The following TMEM74B variants were observed in gnomAD, a reference collection of about 807,000 sequenced individuals.
The protein encoded by TMEM74B is transmembrane protein 74B, also known as transmembrane protein C20orf46.
TMEM74B carries 7 observed loss-of-function variants against 6.5 expected under a neutral mutation model. That is an observed-to-expected ratio of 1.07 (90% confidence interval 0.61 to 2.01). The LOEUF (loss-of-function observed/expected upper bound fraction) is 2.01. TMEM74B is among the 30% of genes most tolerant of loss of function. The probability of loss-of-function intolerance (pLI) is 0.00; values close to 1 mark genes in which losing one functional copy is unlikely to be tolerated. For missense variants in TMEM74B, 342 were observed against 337.0 expected (o/e 1.01, Z -0.12); for synonymous variants, 151 against 151.6 (o/e 1.00, Z 0.03).
In TMEM74B at chr20:1,180,840, G is replaced by GCTA; in HGVS notation, c.*5_*7dup. On this transcript the variant is annotated 3_prime_UTR_variant, in exon 3 of 3. Transcript: ENST00000429036. The surrounding 1 kb of genome is among the most constrained non-coding windows in gnomAD (Gnocchi z 6.1). Reference sequence around the variant, plus strand: ...GAGCTAAAGCAGCCAGATAAGGTGGGCTAGTTCTTAAGACCTCTGGAGGGT... The same window carrying GCTA: ...GAGCTAAAGCAGCCAGATAAGGTGGGCTACTAGTTCTTAAGACCTCTGGAGGGT... The GCTA allele has an allele frequency of 6.4e-7, 1 of 1,559,302 alleles. No individual in the cohort carries two copies. Among genetic ancestry groups the GCTA allele is most frequent in the African/African-American group, 1.4e-5 (1 of 73,400 alleles).
intron 2 of TMEM74B, among the ~76,000 whole-genome samples, chr20:1,182,905 A>G (rs2086909794): frequency 6.6e-6 from 1 of 152,232 alleles, no homozygotes; most frequent in Non-Finnish European, 1.5e-5. Flanking sequence ...TACATTTTAA[A>G]TGTTGGATTC....
chr20:1,183,710 T>C (rs1468327140), intron 2 of TMEM74B, 61 bp downstream of exon 2: 2 of 1,593,866 alleles, frequency 1.3e-6, no homozygotes, highest in Non-Finnish European at 1.7e-6. Context: ...ATGGCATGTA[T>C]GGGAGGGTGG....
chr20:1,188,147 A>G (rs1012946252), upstream of TMEM74B, among the ~76,000 whole-genome samples: 56 of 146,402 alleles, frequency 3.8e-4, no homozygotes, highest in South Asian at 2.2e-4. Flanking sequence ...AGTTATATAT[A>G]TATATAATAC....
chr20:1,185,837 C>T (rs1269054312), upstream of TMEM74B, among the ~76,000 whole-genome samples: 1 of 150,292 alleles, frequency 6.7e-6, no homozygotes, highest in African/African-American at 2.4e-5. Context: ...CCACCCCGCA[C>T]GCAGCCCCCA....
At chr20:1,183,541 C>A (rs1031158799) in intron 2 of TMEM74B, among the ~76,000 whole-genome samples, 5 of 152,272 alleles carry the variant, frequency 3.3e-5, no homozygotes, top group African/African-American at 9.6e-5. Context: ...ATCACTACGT[C>A]TCTCTTTCCA....
Position 1,184,872 on chromosome 20 carries a change from G to C in TMEM74B, c.-718C>G, listed in dbSNP as rs1273945882. Among the ~76,000 whole-genome samples, 2 of 152,220 alleles carry C rather than the reference G, an allele frequency of 1.3e-5. No homozygotes were observed. Among genetic ancestry groups the C allele is most frequent in the East Asian group, 3.9e-4 (2 of 5,178 alleles). ...GCAGGTCCACGCTGTTGTACCCAAAGTTGCGCGCAGAAAGCCCCAGCACGC... is the reference window on the plus strand; with the variant it reads ...GCAGGTCCACGCTGTTGTACCCAAACTTGCGCGCAGAAAGCCCCAGCACGC... On this transcript the variant is annotated 5_prime_UTR_variant, in exon 1 of 3. Coordinates refer to ENST00000429036, the MANE Select transcript of TMEM74B (RefSeq NM_001304748.2). The surrounding 1 kb of genome is among the most constrained non-coding windows in gnomAD (Gnocchi z 6.0).
At chr20:1,188,033 T>G (rs776137479), upstream of TMEM74B, among the ~76,000 whole-genome samples, 1 of 152,144 alleles carries the variant, frequency 6.6e-6, no homozygotes, top group South Asian at 2.1e-4. Context: ...AAATGACCCC[T>G]GAGGAGGAGG....
intron 2 of TMEM74B, among the ~76,000 whole-genome samples, chr20:1,182,308 A>C (rs1227041520): frequency 6.6e-6 from 1 of 151,900 alleles, no homozygotes; most frequent in Non-Finnish European, 1.5e-5. Context: ...CCAGCAATGG[A>C]AGGTGATGAG....
chr20:1,182,723 C>T (rs138995896), intron 2 of TMEM74B, among the ~76,000 whole-genome samples: 1 of 152,266 alleles, frequency 6.6e-6, no homozygotes, highest in East Asian at 1.9e-4. Context: ...AACCTGAACA[C>T]AAACCCACCC....
rs566936129 is a variant in TMEM74B at position 1,180,586 on chromosome 20, T to C, written c.*262A>G. The C allele has an allele frequency of 5.1e-5, 20 of 388,852 alleles. No homozygotes were observed. The highest frequency in any genetic ancestry group is 3.9e-4 in the African/African-American group (19 of 48,448). The allele number at this position is 388,852 out of a possible 1,614,324, so 24.1% of individuals were successfully genotyped here. ...TCCAAGAGCAGCGGTTTCCAAACTT[T>C]TGTATTTTTAGCAGCAGAAGCCATC... is the stretch of plus-strand genomic sequence containing the variant. On this transcript the variant is annotated 3_prime_UTR_variant, in exon 3 of 3. Transcript: ENST00000429036. The surrounding 1 kb of genome is among the most constrained non-coding windows in gnomAD (Gnocchi z 6.1).
Position 1,181,695 on chromosome 20 carries a change from T to A in TMEM74B, c.32-108A>T. ...AAGGTGAGTCAGGCACAATTCCCAC[T>A]TGGGGGTGTCTGCCAGACAGAGGGG... On this transcript the variant is annotated intron_variant, in intron 2 of 2. Transcript: ENST00000429036. The surrounding 1 kb of genome is among the most constrained non-coding windows in gnomAD (Gnocchi z 4.9). 7.9e-7 allele frequency: 1 copy of A among 1,266,006 alleles called. No individual in the cohort carries two copies. Among genetic ancestry groups the A allele is most frequent in the South Asian group, 2.6e-5 (1 of 38,846 alleles). The allele number at this position is 1,266,006 out of a possible 1,614,324, so 78.4% of individuals were successfully genotyped here.
chr20:1,181,506 T>C lies in TMEM74B; in HGVS notation c.113A>G (p.Asn38Ser). ...PPGLELKTLS[N>S]GPQAPRRSAP... ...TGATCTCCTTGGGGCTTGGGGACCATTGCTCAGTGTCTTCAGTTCCAGACC... is the reference window on the plus strand; with the variant it reads ...TGATCTCCTTGGGGCTTGGGGACCACTGCTCAGTGTCTTCAGTTCCAGACC... Residue 38 changes from asparagine (N) to serine (S), a missense_variant, in exon 3 of 3, where the codon AAT becomes AGT. Transcript: ENST00000429036. The surrounding 1 kb of genome is among the most constrained non-coding windows in gnomAD (Gnocchi z 4.9). 1 of 1,503,766 alleles carries C rather than the reference T, an allele frequency of 6.6e-7. No individual in the cohort carries two copies. 93.2% of individuals were successfully genotyped at this position (1,503,766 alleles called of 1,614,324 possible).
intron 2 of TMEM74B, 49 bp downstream of exon 2, chr20:1,183,722 G>C: frequency 6.2e-7 from 1 of 1,607,696 alleles, no homozygotes; most frequent in Non-Finnish European, 8.5e-7. Flanking sequence ...GGAGGGTGGA[G>C]GACAGGAGTT....
At chr20:1,185,362 G>C (rs1256612246), upstream of TMEM74B, 1 of 151,778 alleles carries the variant, frequency 6.6e-6, no homozygotes, top group Non-Finnish European at 1.5e-5. Context: ...TCCCGGCCCG[G>C]CCCGGAGCCA....
At chr20:1,182,745 G>A (rs180920443) in intron 2 of TMEM74B, among the ~76,000 whole-genome samples, 16 of 152,284 alleles carry the variant, frequency 1.1e-4, no homozygotes, top group Admixed American at 9.8e-4. Flanking sequence ...GACACAGACA[G>A]CACATGTGCA....
At chr20:1,185,970 C>G (rs1287032890), upstream of TMEM74B, 1 of 152,396 alleles carries the variant, frequency 6.6e-6, no homozygotes, top group Non-Finnish European at 1.5e-5. Flanking sequence ...TCCCCCTCCC[C>G]CTTTTCTCTG....
In TMEM74B at chr20:1,184,918, TC is replaced by T. The variant is rs1371628945; in HGVS notation, c.-765del. The stretch of plus-strand genomic sequence containing the variant: ...CACGCCGGCTGCCCACCGCGCCCGC[TC>T]CCGCCGGCCCAGTCCACACCCCCTG... On this transcript the variant is annotated 5_prime_UTR_variant, in exon 1 of 3. Coordinates refer to ENST00000429036, the MANE Select transcript of TMEM74B (RefSeq NM_001304748.2). This position sits in a 1 kb window ranked among gnomAD's most constrained non-coding sequence, Gnocchi z 6.0. 1.1e-4 allele frequency among the ~76,000 whole-genome samples: 17 copies of T among 152,014 alleles called. No individual in the cohort carries two copies. Among genetic ancestry groups the T allele is most frequent in the Admixed American group, 6.5e-4 (10 of 15,274 alleles).
Position 1,181,189 on chromosome 20 carries a change from G to T in TMEM74B, c.430C>A (p.Pro144Thr). Residue 144 changes from proline to threonine, a missense_variant, in exon 3 of 3, where the codon CCC (proline) becomes ACC (threonine). Coordinates refer to ENST00000429036, the MANE Select transcript of TMEM74B (RefSeq NM_001304748.2). This position sits in a 1 kb window ranked among gnomAD's most constrained non-coding sequence, Gnocchi z 4.9. ...TCCGGATTGACTCGAGCCTCACGGG[G>T]GATGGCGTATGCTGTCACCACCAGA... ...ILLVVTAYAI[P>T]REARVNPDTV... 1 of 1,614,190 alleles carries T rather than the reference G, an allele frequency of 6.2e-7. No homozygotes were observed. Among genetic ancestry groups the T allele is most frequent in the Admixed American group, 1.7e-5 (1 of 60,030 alleles).
chr20:1,181,380 C>T lies in TMEM74B; in HGVS notation c.239G>A (p.Arg80Lys). The T allele has an allele frequency of 3.9e-6, 6 of 1,542,572 alleles. No homozygotes were observed. Among genetic ancestry groups the T allele is most frequent in the Non-Finnish European group, 5.2e-6 (6 of 1,143,104 alleles). ...AGGGGGACTGGGTGAGCTGCCCAGT[C>T]TCGTGTTCCCAGGGTTCTGGAAATG... ...ETHFQNPGNTRLGSSPSPPGG... is the reference protein window; with the variant it reads ...ETHFQNPGNTKLGSSPSPPGG... The change falls in exon 3 of 3, where the codon AGA becomes AAA. Residue 80 changes from arginine (R) to lysine (K), a missense_variant. Coordinates refer to ENST00000429036, the MANE Select transcript of TMEM74B (RefSeq NM_001304748.2). The surrounding 1 kb of genome is among the most constrained non-coding windows in gnomAD (Gnocchi z 4.9).
Sources: gnomAD v4.1 joint callset for allele counts (sites outside exome capture counted in the v4.1 genomes callset) on GRCh38, gnomAD v4.1.1 for gene constraint, Gnocchi (gnomAD v3.1) non-coding constraint, MANE v1.5 for transcripts, NCBI Gene and HGNC (gene_info 2026-07-23, HGNC 2026-07-21) for gene names.